BTBD1: variants seen among roughly 807,000 people sequenced by gnomAD.
BTBD1 encodes the protein BTB/POZ domain-containing protein 1.
In BTBD1, 34 loss-of-function variants were observed where a neutral mutation model predicts 48.0. That is an observed-to-expected ratio of 0.71 (90% CI 0.54 to 0.94). The LOEUF is 0.94. BTBD1 is among the 40% of genes least tolerant of loss of function. The probability of loss-of-function intolerance (pLI) is 0.00; values close to 1 mark genes in which losing one functional copy is unlikely to be tolerated. For missense variants in BTBD1, 543 were observed against 625.6 expected (o/e 0.87, Z 1.41); for synonymous variants, 261 against 242.1 (o/e 1.08, Z -0.72).
intron 3 of BTBD1, among the ~76,000 whole-genome samples, chr15:83,043,879 G>A (rs1208220672): frequency 6.6e-6 from 1 of 152,166 alleles, no homozygotes; most frequent in African/African-American, 2.4e-5. Context: ...CGTCATGCCT[G>A]TACCTCAGGT....
intron 1 of BTBD1, among the ~76,000 whole-genome samples, chr15:83,059,165 G>A (rs1444800372): frequency 3.3e-5 from 5 of 152,092 alleles, no homozygotes; most frequent in African/African-American, 1.2e-4. Flanking sequence ...TCAGATTTGT[G>A]CATCTCCTAA....
intron 3 of BTBD1, among the ~76,000 whole-genome samples, chr15:83,048,113 C>G (rs2032912463): frequency 6.6e-6 from 1 of 152,070 alleles, no homozygotes; most frequent in African/African-American, 2.4e-5. Context: ...ATTCAGGATA[C>G]ATATTCAAAG....
intron 4 of BTBD1, among the ~76,000 whole-genome samples, chr15:83,037,322 A>C (rs2032649998): frequency 6.6e-6 from 1 of 152,226 alleles, no homozygotes; most frequent in African/African-American, 2.4e-5. Flanking sequence ...TTGAGCCCAG[A>C]AGCTCATGGC....
chr15:83,066,290 A>G (rs2033268132), intron 1 of BTBD1, among the ~76,000 whole-genome samples: 1 of 151,950 alleles, frequency 6.6e-6, no homozygotes, highest in African/African-American at 2.4e-5. Context: ...ACAGAGCAAG[A>G]CCTTGTCTCA....
At chr15:83,044,541 A>G in intron 3 of BTBD1, 3 of 1,594,934 alleles carry the variant, frequency 1.9e-6, no homozygotes, top group Admixed American at 3.3e-5. Context: ...AACCGAGAGC[A>G]CTTTGAAAAC....
chr15:83,043,560 A>T (rs748524097), intron 3 of BTBD1, among the ~76,000 whole-genome samples: 70 of 152,314 alleles, frequency 4.6e-4, no homozygotes, highest in Non-Finnish European at 5.4e-4. Context: ...TCTTGCATCG[A>T]TCCAGGTCAG....
At chr15:83,036,975 A>G (rs893586951) in intron 4 of BTBD1, among the ~76,000 whole-genome samples, 10 of 152,246 alleles carry the variant, frequency 6.6e-5, no homozygotes, top group Non-Finnish European at 1.3e-4. Flanking sequence ...AATTGGTTAA[A>G]TAAGTATGTT....
intron 5 of BTBD1, among the ~76,000 whole-genome samples, chr15:83,025,213 G>C (rs1270989390): frequency 6.6e-6 from 1 of 151,828 alleles, no homozygotes; most frequent in Admixed American, 6.6e-5. Flanking sequence ...AACTAGCCAG[G>C]CATGGTGGCA....
intron 4 of BTBD1, among the ~76,000 whole-genome samples, chr15:83,033,527 A>G (rs1023209579): frequency 1.2e-4 from 19 of 152,242 alleles, no homozygotes; most frequent in African/African-American, 4.6e-4. Flanking sequence ...AAATATAGCA[A>G]AAGTATCAAT....
intron 3 of BTBD1, 30 bp from the exon 4 acceptor site, chr15:83,041,955 T>G (rs2032769759): frequency 6.3e-7 from 1 of 1,596,234 alleles, no homozygotes; most frequent in East Asian, 2.2e-5. Flanking sequence ...TAAACCCAAT[T>G]AGAAATATTT....
intron 4 of BTBD1, among the ~76,000 whole-genome samples, chr15:83,039,667 A>T (rs2032705518): frequency 6.6e-6 from 1 of 151,432 alleles, no homozygotes; most frequent in South Asian, 2.1e-4. Context: ...AGTCCCAGTT[A>T]CTCAGGAGGC....
chr15:83,025,870 C>T lies in BTBD1; in HGVS notation c.1055+4266G>A, dbSNP rs187635994. Among the ~76,000 whole-genome samples, 511 of 152,016 alleles carry T rather than the reference C, an allele frequency of 3.4e-3. 2 individuals are homozygous for T. The highest frequency in any genetic ancestry group is 5.2e-3 in the Non-Finnish European group (354 of 67,958). ...CTGCCAGCTCCGCCTCCCGGGTTCA[C>T]GCAATTCTCCTGTCTCAGCCTCCCG... On this transcript the variant is annotated intron_variant, in intron 5 of 7. Coordinates refer to ENST00000261721, the MANE Select transcript of BTBD1 (RefSeq NM_025238.4).
At chr15:83,055,658 CAGT>C (rs970080662) in intron 2 of BTBD1, among the ~76,000 whole-genome samples, 6 of 152,080 alleles carry the variant, frequency 3.9e-5, no homozygotes, top group Non-Finnish European at 7.4e-5. Context: ...ACTCCTCCAG[CAGT>C]AGATCAGCAA....
chr15:83,030,182 G>C lies in BTBD1; in HGVS notation c.1009C>G (p.Gln337Glu), dbSNP rs770696742. ...CTGTAACCCCAGCGGCTTTCTACTT[G>C]CTGGAATCTATTGATGCAGCATTCC... ...GKECCINRFQ[Q>E]VESRWGYSGT... The change falls in exon 5 of 8, where the codon CAA becomes GAA. Residue 337 changes from glutamine to glutamate, a missense_variant. Gln to Glu is a conservative substitution (Grantham distance 29, BLOSUM62 2). This residue lies in a region of BTBD1 where 300 missense variants were observed against 350.0 expected (regional missense o/e 0.86). Transcript: ENST00000261721. 1.2e-6 allele frequency: 2 copies of C among 1,613,808 alleles called. No homozygotes were observed. Among genetic ancestry groups the C allele is most frequent in the South Asian group, 2.2e-5 (2 of 91,060 alleles).
chr15:83,042,637 G>A (rs1208493279), intron 3 of BTBD1, among the ~76,000 whole-genome samples: 3 of 151,986 alleles, frequency 2.0e-5, no homozygotes, highest in Non-Finnish European at 2.9e-5. Context: ...GCCTGCCTCG[G>A]CCTTCCAAAG....
intron 5 of BTBD1, among the ~76,000 whole-genome samples, chr15:83,027,956 TAC>T (rs1286503174): frequency 6.6e-6 from 1 of 152,228 alleles, no homozygotes; most frequent in Non-Finnish European, 1.5e-5. Flanking sequence ...TACTATCAAT[TAC>T]ATTTATTCCC....
intron 5 of BTBD1, among the ~76,000 whole-genome samples, chr15:83,021,670 T>C (rs1434487655): frequency 1.3e-5 from 2 of 151,794 alleles, no homozygotes; most frequent in Admixed American, 6.6e-5. Context: ...AGGAGAATCG[T>C]TTGAACCTGG....
Sources: allele counts gnomAD v4.1 joint callset (sites outside exome capture counted in the v4.1 genomes callset), GRCh38; gene constraint gnomAD v4.1.1; regional missense constraint gnomAD v4.1.1; transcripts MANE v1.5; gene names NCBI Gene and HGNC (gene_info 2026-07-23, HGNC 2026-07-21).